ALG3: variants seen among roughly 807,000 people sequenced by gnomAD.
ALG3 encodes ALG3 alpha-1,3- mannosyltransferase.
A neutral mutation model predicts 50.5 loss-of-function variants in ALG3; 39 were observed. The ratio of observed to expected loss-of-function variants is 0.77; its 90% CI spans 0.60 to 1.01. The LOEUF (loss-of-function observed/expected upper bound fraction) is 1.01. Ranked by LOEUF, ALG3 falls within the 50% of genes least tolerant of loss-of-function variation. The pLI, the probability that ALG3 is intolerant of heterozygous loss-of-function variation, is 0.00. For synonymous variants in ALG3, 252 were observed against 237.2 expected (o/e 1.06, Z -0.58); for missense variants, 520 against 554.8 (o/e 0.94, Z 0.63).
In ALG3 at chr3:184,245,265, C is replaced by T. The variant is rs747690358; in HGVS notation, c.538G>A (p.Val180Met). The T allele has an allele frequency of 6.2e-7, 1 of 1,613,832 alleles. No individual in the cohort carries two copies. Among genetic ancestry groups the T allele is most frequent in the Non-Finnish European group, 8.5e-7 (1 of 1,179,830 alleles). ...AGGTTGATACTGAGGAAGAGCAGCA[C>T]CATGGCCACTGGGTCATTGAAGAGC... ...LRLFNDPVAM[V>M]LLFLSINLLL... The change falls in exon 4 of 9, where the codon GTG becomes ATG. Residue 180 changes from valine to methionine, a missense_variant. Transcript: ENST00000397676.
At position 184,248,925 on chromosome 3, in the gene ALG3, G is replaced by A. The variant is rs199587005; in HGVS notation, c.16C>T (p.Arg6Trp). 43 of 1,585,330 alleles carry A rather than the reference G, an allele frequency of 2.7e-5. No individual in the cohort carries two copies. The South Asian group carries it at 3.2e-4, about 12-fold the overall frequency. ...GCGGAACCGGACCGGCCGCGTTTCCGCAGCCCAGCCGCCATCTTAACGGTG... is the reference window on the plus strand; with the variant it reads ...GCGGAACCGGACCGGCCGCGTTTCCACAGCCCAGCCGCCATCTTAACGGTG... MAAGLRKRGRSGSAAQ... is the reference protein window; with the variant it reads MAAGLWKRGRSGSAAQ... The change falls in exon 1 of 9, where the codon CGG becomes TGG. Residue 6 changes from arginine to tryptophan, a missense_variant. Arg to Trp is a moderately radical substitution (Grantham distance 101). This residue lies in a region of ALG3 where 290 missense variants were observed against 265.9 expected (regional missense o/e 1.09). Transcript: ENST00000397676.
chr3:184,249,143 C>A, upstream of ALG3: 1 of 1,542,422 alleles, frequency 6.5e-7, no homozygotes, highest in South Asian at 1.2e-5. Flanking sequence ...GGGACAATGT[C>A]TTACTCCTCA....
rs563516937 is a variant in ALG3 at position 184,248,913 on chromosome 3, G to T, written c.28C>A (p.Arg10=). The change falls in exon 1 of 9, where the codon CGG becomes AGG. Residue 10 remains arginine (R), a synonymous_variant. Coordinates refer to ENST00000397676, the MANE Select transcript of ALG3 (RefSeq NM_005787.6). MAAGLRKRG[R]SGSAAQAEGL... ...TCTGCCTGGGCCGCGGAACCGGACC[G>T]GCCGCGTTTCCGCAGCCCAGCCGCC... 8.2e-6 allele frequency: 13 copies of T among 1,592,542 alleles called. No individual in the cohort carries two copies. Among genetic ancestry groups the T allele is most frequent in the African/African-American group, 6.7e-5 (5 of 74,732 alleles).
chr3:184,244,981 G>A, intron 4 of ALG3: 1 of 777,794 alleles, frequency 1.3e-6, no homozygotes, highest in Non-Finnish European at 2.1e-6. Flanking sequence ...ATTCCAACAA[G>A]GAATGCTGTC....
chr3:184,243,007 C>T (rs1368918402), intron 7 of ALG3, 50 bp from the exon 8 acceptor site: 1 of 1,602,522 alleles, frequency 6.2e-7, no homozygotes, highest in Non-Finnish European at 8.5e-7. Context: ...GGGGGACTAT[C>T]CCAAAACAGA....
Position 184,248,814 on chromosome 3 carries a change from G to T in ALG3, c.127C>A (p.Leu43Met). ...RLLLREPRYT[L>M]LVAACLCLAE... ...AGGCAGAGGCAGGCGGCCACCAGCAGCGTGTAGCGCGGCTCCCGCAGCAGC... is the reference window on the plus strand; with the variant it reads ...AGGCAGAGGCAGGCGGCCACCAGCATCGTGTAGCGCGGCTCCCGCAGCAGC... The change falls in exon 1 of 9, where the codon CTG becomes ATG. Residue 43 changes from leucine (L) to methionine (M), a missense_variant. Transcript: ENST00000397676. 1 of 1,606,128 alleles carries T rather than the reference G, an allele frequency of 6.2e-7. No homozygotes were observed. Among genetic ancestry groups the T allele is most frequent in the Non-Finnish European group, 8.5e-7 (1 of 1,176,024 alleles).
chr3:184,242,621 AG>A lies in ALG3; in HGVS notation c.1209del (p.Cys404AlafsTer64), dbSNP rs774503785. Reference protein sequence around the residue: ...ELSWNTYPSTSCSSAALHICH... With the variant: ...ELSWNTYPSTXCSSAALHICH... ...CATATGTGCAGGGCAGCAGAGCTGC[AG>A]GATGTGGAAGGGTATGTGTTCCAGG... On this transcript the variant is annotated frameshift_variant, in exon 9 of 9. Transcript: ENST00000397676. LOFTEE classifies it high-confidence loss of function. 1 of 1,577,376 alleles carries A rather than the reference AG, an allele frequency of 6.3e-7. No homozygotes were observed.
chr3:184,245,714 C>G lies in ALG3; in HGVS notation c.295G>C (p.Val99Leu), dbSNP rs761086707. The G allele has an allele frequency of 5.0e-6, 8 of 1,612,484 alleles. No homozygotes were observed. The highest frequency in any genetic ancestry group is 1.7e-5 in the Admixed American group (1 of 59,968). The change falls in exon 2 of 9, where the codon GTG becomes CTG. Residue 99 changes from valine (V) to leucine (L), a missense_variant and splice_region_variant. Transcript: ENST00000397676. ...CCTGAACTTCCTGTCCCCACTCACA[C>G]AAGTGGTCCGGTGTCACCCTGCAGT... is the stretch of plus-strand genomic sequence containing the variant. ...TQLQGDTGPLVYPAGFVYIFM... is the reference protein window; with the variant it reads ...TQLQGDTGPLLYPAGFVYIFM...
In ALG3 at chr3:184,245,258, A is replaced by G. The variant is rs747561539; in HGVS notation, c.545T>C (p.Leu182Pro). 1 of 1,613,900 alleles carries G rather than the reference A, an allele frequency of 6.2e-7. No homozygotes were observed. Among genetic ancestry groups the G allele is most frequent in the Admixed American group, 1.7e-5 (1 of 59,998 alleles). Residue 182 changes from leucine (L) to proline (P), a missense_variant, in exon 4 of 9, where the codon CTC becomes CCC. Physicochemically the swap from Leu to Pro is moderately conservative, Grantham distance 98. This residue lies in a region of ALG3 where 290 missense variants were observed against 265.9 expected (regional missense o/e 1.09). Transcript: ENST00000397676. ...CAGCAGGAGGTTGATACTGAGGAAG[A>G]GCAGCACCATGGCCACTGGGTCATT... The part of the protein sequence containing the change: ...LFNDPVAMVL[L>P]FLSINLLLAQ...
intron 5 of ALG3, chr3:184,244,327 T>G: frequency 1.9e-6 from 1 of 533,568 alleles, no homozygotes; most frequent in East Asian, 3.3e-5. Context: ...GAGGATTGCT[T>G]GAGCCCAGGA....
chr3:184,244,723 T>G lies in ALG3; in HGVS notation c.606-2A>C. On this transcript the variant is annotated splice_acceptor_variant, in intron 4 of 8. Transcript: ENST00000397676. LOFTEE classifies it high-confidence loss of function. Reference sequence around the variant, plus strand: ...TTCATCTTCACAGAGACTGCCAGGCTGGGGTGAGCAGGGGAGAGGAAGGGT... The same window carrying G: ...TTCATCTTCACAGAGACTGCCAGGCGGGGGTGAGCAGGGGAGAGGAAGGGT... The G allele has an allele frequency of 1.2e-6, 2 of 1,608,654 alleles. No individual in the cohort carries two copies. Among genetic ancestry groups the G allele is most frequent in the Non-Finnish European group, 1.7e-6 (2 of 1,177,982 alleles).
intron 5 of ALG3, 102 bp from the exon 6 acceptor site, chr3:184,244,098 G>A (rs35284322): frequency 8.4e-7 from 1 of 1,185,578 alleles, no homozygotes; most frequent in East Asian, 2.5e-5. Context: ...GTAGGCCTCA[G>A]AGGTTCCCCA....
intron 6 of ALG3, 34 bp downstream of exon 6, chr3:184,243,757 C>G (rs752961667): frequency 6.2e-7 from 1 of 1,600,024 alleles, no homozygotes; most frequent in East Asian, 2.3e-5. Context: ...CTCCTTCCCC[C>G]AACTCTGCCC....
At chr3:184,243,391 T>A in intron 7 of ALG3, 163 bp downstream of exon 7, 1 of 644,252 alleles carries the variant, frequency 1.6e-6, no homozygotes, top group South Asian at 1.8e-5. Context: ...GAATCAAATA[T>A]CCTTCAATAT....
rs750342592 is a variant in ALG3, at chr3:184,248,859, C to G, written c.82G>C (p.Ala28Pro). ...AGCAGCAGGCGCCGCTCTTGCCAGG[C>G]GCGCTGCAGCCATTGCTTGCAGAGT... The part of the protein sequence containing the change: ...EGLCKQWLQR[A>P]WQERRLLLRE... The change falls in exon 1 of 9, where the codon GCC (alanine) becomes CCC (proline). Residue 28 changes from alanine to proline, a missense_variant. Ala to Pro is a conservative substitution (Grantham distance 27, BLOSUM62 -1). Coordinates refer to ENST00000397676, the MANE Select transcript of ALG3 (RefSeq NM_005787.6). 1.2e-6 allele frequency: 2 copies of G among 1,607,206 alleles called. No individual in the cohort carries two copies. Among genetic ancestry groups the G allele is most frequent in the Admixed American group, 1.7e-5 (1 of 59,520 alleles).
At position 184,245,766 on chromosome 3, in the gene ALG3, G is replaced by C; in HGVS notation, c.243C>G (p.Val81=). The change falls in exon 2 of 9, where the codon GTC becomes GTG. Residue 81 remains valine, a synonymous_variant. Coordinates refer to ENST00000397676, the MANE Select transcript of ALG3 (RefSeq NM_005787.6). ...GGGTATAGTCATAGGTACCATTGAT[G>C]ACGCCTTCTACCTCGGCCATGTAGG... ...WKAYMAEVEG[V]INGTYDYTQL... is the part of the protein sequence containing the mutation. The C allele has an allele frequency of 6.2e-7, 1 of 1,613,904 alleles. No homozygotes were observed. Among genetic ancestry groups the C allele is most frequent in the Non-Finnish European group, 8.5e-7 (1 of 1,179,856 alleles).
chr3:184,244,018 G>A, intron 5 of ALG3, 22 bp from the exon 6 acceptor site: 10 of 1,605,894 alleles, frequency 6.2e-6, no homozygotes, highest in Non-Finnish European at 8.5e-6. Context: ...TGTGATGTCA[G>A]CAGAGCTGCC....
At chr3:184,244,529 A>T in intron 5 of ALG3, 72 bp downstream of exon 5, 2 of 1,533,848 alleles carry the variant, frequency 1.3e-6, no homozygotes, top group Non-Finnish European at 1.8e-6. Context: ...AGGGAGTCTC[A>T]GGGATAGAGC....
chr3:184,249,140 T>C, upstream of ALG3: 1 of 1,522,824 alleles, frequency 6.6e-7, no homozygotes, highest in Non-Finnish European at 9.0e-7. Context: ...GCAGGGACAA[T>C]GTCTTACTCC....
Sources: gnomAD v4.1 joint callset for allele counts on GRCh38, gnomAD v4.1.1 for gene constraint, gnomAD v4.1.1 regional missense constraint, MANE v1.5 for transcripts, NCBI Gene and HGNC (gene_info 2026-07-23, HGNC 2026-07-21) for gene names.